The following CAP1 variants were observed in gnomAD, a reference collection of about 807,000 sequenced individuals.
The protein encoded by CAP1 is adenylyl cyclase-associated protein 1.
Under a neutral mutation model 58.2 loss-of-function variants are expected in CAP1, and 11 were observed. The observed-to-expected ratio is 0.19, with a 90% CI of 0.12 to 0.31. The LOEUF (loss-of-function observed/expected upper bound fraction) is 0.31. Ranked by LOEUF, CAP1 falls within the 10% of genes least tolerant of loss-of-function variation. The pLI is 1.00. For synonymous variants in CAP1, 183 were observed against 213.8 expected, an observed-to-expected ratio of 0.86 and a Z score of 1.26; for missense variants, 423 against 587.5, an observed-to-expected ratio of 0.72 and a Z score of 2.89.
At chr1:40,060,242 C>A in intron 3 of CAP1, 72 bp downstream of exon 3, 1 of 1,146,488 alleles carries the variant, frequency 8.7e-7, no homozygotes, top group Non-Finnish European at 1.3e-6. Flanking sequence ...AGGTCCTCAT[C>A]CTTGGTTTAA....
intron 8 of CAP1, among the ~76,000 whole-genome samples, chr1:40,068,800 T>C (rs533987022): frequency 6.6e-6 from 1 of 151,098 alleles, no homozygotes; most frequent in East Asian, 1.9e-4. Flanking sequence ...CCTTAAAACA[T>C]AAAAGAAATA....
intron 1 of CAP1, among the ~76,000 whole-genome samples, chr1:40,057,240 C>T (rs1328228651): frequency 6.6e-6 from 1 of 152,176 alleles, no homozygotes; most frequent in African/African-American, 2.4e-5. Context: ...TGAGTGGTAT[C>T]TGTTCATGGA....
intron 4 of CAP1, among the ~76,000 whole-genome samples, chr1:40,063,679 T>C (rs758661774): frequency 8.5e-5 from 13 of 152,208 alleles, no homozygotes; most frequent in Admixed American, 6.5e-4. Flanking sequence ...TGGCAATGCA[T>C]TGGGGGCTTT....
At chr1:40,055,825 T>C (rs188492438) in intron 1 of CAP1, among the ~76,000 whole-genome samples, 38 of 152,266 alleles carry the variant, frequency 2.5e-4, no homozygotes, top group Admixed American at 2.4e-3. Flanking sequence ...CTAACTCTTA[T>C]CAGTCAGGAT....
chr1:40,068,668 A>T (rs1236536312), intron 8 of CAP1, among the ~76,000 whole-genome samples: 1 of 152,006 alleles, frequency 6.6e-6, no homozygotes, highest in Non-Finnish European at 1.5e-5. Flanking sequence ...GTAAATTACA[A>T]CCACAAGGAA....
At chr1:40,067,440 G>C in intron 7 of CAP1, 100 bp from the exon 8 acceptor site, 1 of 1,021,972 alleles carries the variant, frequency 9.8e-7, no homozygotes, top group Non-Finnish European at 1.4e-6. Context: ...CAAAGGCTGT[G>C]GTGGGGACCC....
chr1:40,065,687 T>C (rs1172197029), intron 6 of CAP1, among the ~76,000 whole-genome samples: 1 of 152,212 alleles, frequency 6.6e-6, no homozygotes, highest in Non-Finnish European at 1.5e-5. Flanking sequence ...AATTTAAGGC[T>C]GATTGTTTCC....
At chr1:40,040,367 CA>C (rs1276342280), upstream of CAP1, 1 of 152,278 alleles carries the variant, frequency 6.6e-6, no homozygotes, top group African/African-American at 2.4e-5. Context: ...CCATTGAGAC[CA>C]AACTGACAGA....
At chr1:40,048,032 G>A (rs1646183616) in intron 1 of CAP1, among the ~76,000 whole-genome samples, 1 of 151,852 alleles carries the variant, frequency 6.6e-6, no homozygotes, top group South Asian at 2.1e-4. Context: ...CCTGATTTGG[G>A]TTAGATTTAG....
chr1:40,059,257 G>T, intron 1 of CAP1, 80 bp from the exon 2 acceptor site: 1 of 779,126 alleles, frequency 1.3e-6, no homozygotes, highest in South Asian at 1.6e-5. Context: ...ACCTGGGGAT[G>T]ACCAGGAATT....
intron 12 of CAP1, among the ~76,000 whole-genome samples, chr1:40,071,223 T>G (rs1310789250): frequency 6.6e-6 from 1 of 152,186 alleles, no homozygotes; most frequent in Admixed American, 6.5e-5. Flanking sequence ...CTTGTCAGGC[T>G]GGTGCTATAA....
intron 4 of CAP1, among the ~76,000 whole-genome samples, chr1:40,063,561 G>C (rs550092947): frequency 1.3e-3 from 201 of 151,712 alleles, no homozygotes; most frequent in African/African-American, 4.7e-3. Context: ...CAGTTCTCCT[G>C]CCTTGGCCTC....
Position 40,070,181 on chromosome 1 carries a change from A to G in CAP1, c.1016A>G (p.Asn339Ser), listed in dbSNP as rs1403427427. 2.5e-6 allele frequency: 4 copies of G among 1,614,214 alleles called. No individual in the cohort carries two copies. The highest frequency in any genetic ancestry group is 3.4e-6 in the Non-Finnish European group (4 of 1,180,020). ...WRVENQENVS[N>S]LVIEDTELKQ... ...CAGGAAAATCAGGAAAATGTTTCCAACCTGGTGATTGAGGACACAGAGCTG... is the reference window on the plus strand; with the variant it reads ...CAGGAAAATCAGGAAAATGTTTCCAGCCTGGTGATTGAGGACACAGAGCTG... Residue 339 changes from asparagine to serine, a missense_variant, in exon 10 of 13, where the codon AAC (asparagine) becomes AGC (serine). Coordinates refer to ENST00000372805, the MANE Select transcript of CAP1 (RefSeq NM_006367.4).
intron 1 of CAP1, among the ~76,000 whole-genome samples, chr1:40,044,105 A>G (rs984178228): frequency 2.0e-5 from 3 of 152,106 alleles, no homozygotes; most frequent in African/African-American, 7.2e-5. Context: ...TTTGTTTCCA[A>G]CCTAGGGATG....
Position 40,072,118 on chromosome 1 carries a change from A to G in CAP1, c.*585A>G, listed in dbSNP as rs74068029. The G allele has an allele frequency of 1.2e-3, 471 of 400,284 alleles. 1 individual carries two copies. Among genetic ancestry groups the G allele is most frequent in the African/African-American group, 8.8e-3 (429 of 48,724 alleles). The allele number at this position is 400,284 out of a possible 1,614,324, so 24.8% of individuals were successfully genotyped here. On this transcript the variant is annotated 3_prime_UTR_variant, in exon 13 of 13. Transcript: ENST00000372805. ...TCTATTCTATCCTGGGTCTGCCTCA[A>G]CCGTGAGATAGGAGAGTCTCTGGTA...
chr1:40,046,205 C>T (rs578249799), intron 1 of CAP1, among the ~76,000 whole-genome samples: 1 of 152,262 alleles, frequency 6.6e-6, no homozygotes, highest in South Asian at 2.1e-4. Context: ...CCTGTAATCC[C>T]AGCATTTTGG....
chr1:40,059,121 A>G (rs923969864), intron 1 of CAP1, among the ~76,000 whole-genome samples: 2 of 152,108 alleles, frequency 1.3e-5, no homozygotes, highest in Admixed American at 6.5e-5. Context: ...CTCTTGCTTA[A>G]TGAGGTCTTT....
intron 3 of CAP1, 74 bp downstream of exon 3, chr1:40,060,244 T>A: frequency 9.2e-7 from 1 of 1,087,264 alleles, no homozygotes; most frequent in Non-Finnish European, 1.4e-6. Flanking sequence ...GTCCTCATCC[T>A]TGGTTTAAGA....
In CAP1 at chr1:40,069,584, G is replaced by C. The variant is rs1014890691; in HGVS notation, c.809-106G>C. ...CTGCTTGCAAGAGAACATCTCAAAG[G>C]CTCTGGTTTTGGCTTTGAATTTTCT... On this transcript the variant is annotated intron_variant, in intron 8 of 12. Coordinates refer to ENST00000372805, the MANE Select transcript of CAP1 (RefSeq NM_006367.4). 19 of 912,698 alleles carry C rather than the reference G, an allele frequency of 2.1e-5. 1 individual carries two copies. The South Asian group carries it at 2.8e-4, about 13-fold the overall frequency. 56.5% of individuals were successfully genotyped at this position (912,698 alleles called of 1,614,324 possible).
Sources: allele counts gnomAD v4.1 joint callset (sites outside exome capture counted in the v4.1 genomes callset), GRCh38; gene constraint gnomAD v4.1.1; transcripts MANE v1.5; gene names NCBI Gene and HGNC (gene_info 2026-07-23, HGNC 2026-07-21).